The following DNAJC13 variants were observed in gnomAD, a reference collection of about 807,000 sequenced individuals.
DNAJC13 encodes DnaJ heat shock protein family (Hsp40) member C13, also known as dnaJ homolog subfamily C member 13.
DNAJC13 carries 75 observed loss-of-function variants against 290.5 expected under a neutral mutation model. The observed-to-expected ratio is 0.26, with a 90% CI of 0.21 to 0.31. The LOEUF (loss-of-function observed/expected upper bound fraction) is 0.31, where lower values mean the gene tolerates loss of function less well. Ranked by LOEUF, DNAJC13 falls within the 10% of genes least tolerant of loss-of-function variation. DNAJC13 has a pLI of 1.00. For missense variants in DNAJC13, 2,260 were observed against 2,674.5 expected (o/e 0.85, Z 3.42); for synonymous variants, 862 against 892.0 (o/e 0.97, Z 0.60).
rs186453397 is a variant in DNAJC13 at position 132,516,390 on chromosome 3, A to G, written c.5486-32A>G. 2.1e-4 allele frequency: 331 copies of G among 1,606,566 alleles called. 1 individual carries two copies. The Middle Eastern group carries it at 2.5e-3, about 12-fold the overall frequency. ...CAAGTAAATATAAGCTAACCTGATG[A>G]TGCATTCCTTGAAATGTCTTTTACT... is the stretch of plus-strand genomic sequence containing the variant. On this transcript the variant is annotated intron_variant, in intron 46 of 55. Coordinates refer to ENST00000260818, the MANE Select transcript of DNAJC13 (RefSeq NM_015268.4).
At chr3:132,491,124 C>T in intron 32 of DNAJC13, 73 bp downstream of exon 32, 1 of 1,264,356 alleles carries the variant, frequency 7.9e-7, no homozygotes, top group Non-Finnish European at 1.1e-6. Flanking sequence ...GCTTTGACTT[C>T]TGTTAAAAGA....
rs569639557 is a variant in DNAJC13, at chr3:132,436,848, T to C, written c.68+2230T>C. On this transcript the variant is annotated intron_variant, in intron 2 of 55. Coordinates refer to ENST00000260818, the MANE Select transcript of DNAJC13 (RefSeq NM_015268.4). The stretch of plus-strand genomic sequence containing the variant: ...GATGAAATAATCTATTGAAATCATT[T>C]ATTCACTGTAACTAAAAAAATTTTT... Among the ~76,000 whole-genome samples the C allele has an allele frequency of 4.9e-4, 75 of 152,116 alleles. 2 individuals are homozygous for C. The South Asian group carries it at 0.015, about 31-fold the overall frequency.
Position 132,511,251 on chromosome 3 carries a change from G to T in DNAJC13, c.5293+7G>T. The T allele has an allele frequency of 6.2e-7, 1 of 1,613,380 alleles. No homozygotes were observed. Among genetic ancestry groups the T allele is most frequent in the South Asian group, 1.1e-5 (1 of 91,006 alleles). Reference sequence around the variant, plus strand: ...GTCATAAAATACAATCCAGGTATGTGACTACACCTTTGATCAATAAGACTC... The same window carrying T: ...GTCATAAAATACAATCCAGGTATGTTACTACACCTTTGATCAATAAGACTC... On this transcript the variant is annotated splice_region_variant and intron_variant, in intron 44 of 55. Coordinates refer to ENST00000260818, the MANE Select transcript of DNAJC13 (RefSeq NM_015268.4).
At chr3:132,484,794 T>G in intron 29 of DNAJC13, 122 bp downstream of exon 29, 1 of 885,210 alleles carries the variant, frequency 1.1e-6, no homozygotes, top group South Asian at 1.5e-5. Context: ...ATAGGCCAGG[T>G]GTGGAGTCTC....
At chr3:132,529,120 C>A (rs1022124793) in intron 54 of DNAJC13, among the ~76,000 whole-genome samples, 2 of 152,256 alleles carry the variant, frequency 1.3e-5, no homozygotes, top group Admixed American at 1.3e-4. Context: ...TTTCTTCCTT[C>A]CCCCAACCTT....
intron 29 of DNAJC13, among the ~76,000 whole-genome samples, chr3:132,485,039 A>C (rs552773297): frequency 1.3e-5 from 2 of 152,196 alleles, no homozygotes; most frequent in African/African-American, 2.4e-5. Flanking sequence ...AGCTGTGATC[A>C]TGCCACCGCA....
rs767729840 is a variant in DNAJC13, at chr3:132,473,754, A to G, written c.2291+527A>G. On this transcript the variant is annotated intron_variant, in intron 21 of 55. Transcript: ENST00000260818. ...GAGTTTGCAAAGCTTCTTTAAGATA[A>G]CTCACAGTACTCACTCTGGAAACTG... is the stretch of plus-strand genomic sequence containing the variant. Among the ~76,000 whole-genome samples the G allele has an allele frequency of 1.5e-4, 23 of 152,238 alleles. 1 individual carries two copies. The highest frequency in any genetic ancestry group is 1.0e-3 in the South Asian group (5 of 4,828).
At chr3:132,475,595 A>G (rs944028100) in intron 22 of DNAJC13, among the ~76,000 whole-genome samples, 1 of 152,224 alleles carries the variant, frequency 6.6e-6, no homozygotes. Flanking sequence ...AACATATACA[A>G]TTTAAACTAT....
Position 132,491,086 on chromosome 3 carries a change from A to G in DNAJC13, c.3623+35A>G, listed in dbSNP as rs751295797. The G allele has an allele frequency of 1.6e-5, 24 of 1,538,830 alleles. No homozygotes were observed. The Admixed American group carries it at 4.8e-4, about 31-fold the overall frequency. ...CAGTTGACTGATTGATTTGTATTTT[A>G]TAATTAAGTCTTTGCTGCTCGCCAT... On this transcript the variant is annotated intron_variant, in intron 32 of 55. Transcript: ENST00000260818.
chr3:132,490,770 G>A (rs1312424414), intron 31 of DNAJC13, 127 bp from the exon 32 acceptor site: 2 of 1,001,952 alleles, frequency 2.0e-6, no homozygotes, highest in Admixed American at 3.3e-5. Flanking sequence ...CATTCCCAAA[G>A]CATAAAAGCA....
chr3:132,473,020 T>C, intron 20 of DNAJC13, 125 bp from the exon 21 acceptor site: 1 of 660,634 alleles, frequency 1.5e-6, no homozygotes, highest in Non-Finnish European at 2.7e-6. Context: ...TTTATTCCGT[T>C]AATTTTTGTT....
intron 42 of DNAJC13, among the ~76,000 whole-genome samples, chr3:132,506,659 C>T (rs1269623224): frequency 7.2e-6 from 1 of 138,970 alleles, no homozygotes; most frequent in Non-Finnish European, 1.5e-5. Flanking sequence ...TCAAGTGATT[C>T]TCCTGCCTCA....
chr3:132,511,242 C>G lies in DNAJC13; in HGVS notation c.5291C>G (p.Pro1764Arg). ...CTGAGAAATGTCATAAAATACAATCCAGGTATGTGACTACACCTTTGATCA... is the reference window on the plus strand; with the variant it reads ...CTGAGAAATGTCATAAAATACAATCGAGGTATGTGACTACACCTTTGATCA... ...EALRNVIKYNPGSESECIGHF... is the reference protein window; with the variant it reads ...EALRNVIKYNRGSESECIGHF... The change falls in exon 44 of 56, where the codon CCA becomes CGA. Residue 1764 changes from proline (P) to arginine (R), a missense_variant and splice_region_variant. By Grantham distance (103) the Pro-to-Arg change is moderately radical. Transcript: ENST00000260818. The G allele has an allele frequency of 3.7e-6, 6 of 1,613,592 alleles. No homozygotes were observed. The highest frequency in any genetic ancestry group is 5.1e-6 in the Non-Finnish European group (6 of 1,179,762).
intron 2 of DNAJC13, among the ~76,000 whole-genome samples, 174 bp downstream of exon 2, chr3:132,434,792 T>G (rs1939336902): frequency 6.6e-6 from 1 of 152,246 alleles, no homozygotes; most frequent in South Asian, 2.1e-4. Flanking sequence ...CTTTTGACAT[T>G]TCCAGTTTTC....
At chr3:132,442,699 C>T (rs887995760) in intron 2 of DNAJC13, among the ~76,000 whole-genome samples, 9 of 152,044 alleles carry the variant, frequency 5.9e-5, no homozygotes, top group Non-Finnish European at 1.2e-4. Context: ...AGTTATGTTT[C>T]TTAATAAGCT....
intron 2 of DNAJC13, among the ~76,000 whole-genome samples, chr3:132,438,284 T>A (rs1232155704): frequency 6.6e-6 from 1 of 152,230 alleles, no homozygotes; most frequent in Non-Finnish European, 1.5e-5. Context: ...ATGGTGATAG[T>A]TATCATTTCA....
intron 22 of DNAJC13, among the ~76,000 whole-genome samples, chr3:132,477,572 C>G (rs1934514127): frequency 6.6e-6 from 1 of 152,072 alleles, no homozygotes; most frequent in South Asian, 2.1e-4. Flanking sequence ...TAATTGACAC[C>G]AGATAGTGCT....
At chr3:132,462,633 G>C in intron 16 of DNAJC13, 110 bp downstream of exon 16, 2 of 680,494 alleles carry the variant, frequency 2.9e-6, no homozygotes, top group Non-Finnish European at 4.8e-6. Context: ...CATTTCTCTG[G>C]GTAAGAAAAG....
At chr3:132,432,446 C>G (rs1041618459) in intron 1 of DNAJC13, among the ~76,000 whole-genome samples, 1 of 152,120 alleles carries the variant, frequency 6.6e-6, no homozygotes, top group East Asian at 1.9e-4. Flanking sequence ...CTCAGGTGAT[C>G]CACCTATGTC....
Sources: allele counts gnomAD v4.1 joint callset (sites outside exome capture counted in the v4.1 genomes callset), GRCh38; gene constraint gnomAD v4.1.1; transcripts MANE v1.5; gene names NCBI Gene and HGNC (gene_info 2026-07-23, HGNC 2026-07-21).